The following CADPS variants were observed in gnomAD, a reference collection of about 807,000 sequenced individuals.
The protein encoded by CADPS is calcium dependent secretion activator.
A neutral mutation model predicts 167.3 loss-of-function variants in CADPS; 57 were observed. That is an observed-to-expected ratio of 0.34 (90% CI 0.28 to 0.42). The LOEUF (loss-of-function observed/expected upper bound fraction) is 0.42. Among genes scored for constraint, CADPS ranks in the 20% least tolerant of loss-of-function variants. The probability of loss-of-function intolerance (pLI) is 1.00; values close to 1 mark genes in which losing one functional copy is unlikely to be tolerated. For missense variants in CADPS, 1,414 were observed against 1,738.1 expected, an observed-to-expected ratio of 0.81 and a Z score of 3.32; for synonymous variants, 676 against 635.3, an observed-to-expected ratio of 1.06 and a Z score of -0.96.
At chr3:62,548,698 G>A (rs751780138) in intron 11 of CADPS, among the ~76,000 whole-genome samples, 8 of 152,206 alleles carry the variant, frequency 5.3e-5, no homozygotes, top group Non-Finnish European at 1.0e-4. Context: ...AGGAGAGATC[G>A]TGCAAGCACT....
chr3:62,620,199 C>A (rs1458943515), intron 6 of CADPS, among the ~76,000 whole-genome samples: 1 of 152,028 alleles, frequency 6.6e-6, no homozygotes, highest in African/African-American at 2.4e-5. Flanking sequence ...ATAGGGATGG[C>A]AGGCAGGGCT....
intron 1 of CADPS, among the ~76,000 whole-genome samples, chr3:62,803,242 T>C (rs374186279): frequency 1.7e-3 from 257 of 152,012 alleles, no homozygotes; most frequent in African/African-American, 6.0e-3. Flanking sequence ...CTGAGACGAA[T>C]GATCCTTGAA....
intron 3 of CADPS, among the ~76,000 whole-genome samples, chr3:62,742,870 G>A (rs1056428228): frequency 6.6e-6 from 1 of 152,134 alleles, no homozygotes; most frequent in Non-Finnish European, 1.5e-5. Flanking sequence ...GAGAATTTTT[G>A]CAAACTATGC....
intron 6 of CADPS, among the ~76,000 whole-genome samples, chr3:62,597,082 G>C (rs2059040206): frequency 6.6e-6 from 1 of 152,156 alleles, no homozygotes; most frequent in Non-Finnish European, 1.5e-5. Context: ...GGCTGGGTGT[G>C]GTGCCTCACT....
intron 3 of CADPS, among the ~76,000 whole-genome samples, chr3:62,703,431 G>A (rs1007939717): frequency 1.3e-5 from 2 of 152,054 alleles, no homozygotes; most frequent in Non-Finnish European, 2.9e-5. Flanking sequence ...TGGCATTAGA[G>A]CTCACAGCCA....
chr3:62,823,839 A>C (rs1008528138), intron 1 of CADPS, among the ~76,000 whole-genome samples: 1 of 152,164 alleles, frequency 6.6e-6, no homozygotes. Context: ...TCCTGGGAAT[A>C]AACTGACTGG....
intron 3 of CADPS, among the ~76,000 whole-genome samples, chr3:62,688,906 AAT>A (rs745578431): frequency 1.1e-4 from 17 of 152,128 alleles, no homozygotes; most frequent in Non-Finnish European, 1.5e-4. Context: ...AGCAATGGGT[AAT>A]GTGGGAAGGG....
intron 1 of CADPS, among the ~76,000 whole-genome samples, chr3:62,782,918 C>T (rs139633202): frequency 0.018 from 2,744 of 152,112 alleles, 35 homozygotes; most frequent in East Asian, 0.053. Flanking sequence ...CGCCACCATG[C>T]CTGGCTAATT....
chr3:62,720,637 C>A (rs1313383532), intron 3 of CADPS, among the ~76,000 whole-genome samples: 1 of 151,770 alleles, frequency 6.6e-6, no homozygotes, highest in African/African-American at 2.4e-5. Context: ...CTGCACCTGG[C>A]CCTAGGGAAA....
intron 27 of CADPS, among the ~76,000 whole-genome samples, chr3:62,443,717 A>G (rs2056755797): frequency 6.6e-6 from 1 of 152,124 alleles, no homozygotes; most frequent in South Asian, 2.1e-4. Flanking sequence ...CCATGATTGT[A>G]AGTTTCCTGA....
chr3:62,647,835 A>G (rs918945125), intron 5 of CADPS, among the ~76,000 whole-genome samples: 1 of 152,236 alleles, frequency 6.6e-6, no homozygotes, highest in Non-Finnish European at 1.5e-5. Flanking sequence ...CTACACCTGC[A>G]AATACCTGAA....
chr3:62,745,179 C>A (rs763359867), intron 3 of CADPS, among the ~76,000 whole-genome samples: 2 of 152,066 alleles, frequency 1.3e-5, no homozygotes, highest in Admixed American at 1.3e-4. Flanking sequence ...GCTTCCCAGG[C>A]TCAAGTAATC....
Position 62,399,369 on chromosome 3 carries a change from C to G in CADPS, c.*37G>C. The G allele has an allele frequency of 6.2e-7, 1 of 1,601,804 alleles. No homozygotes were observed. The highest frequency in any genetic ancestry group is 8.6e-7 in the Non-Finnish European group (1 of 1,169,316). On this transcript the variant is annotated 3_prime_UTR_variant, in exon 30 of 30. Transcript: ENST00000383710. The surrounding 1 kb of genome is among the most constrained non-coding windows in gnomAD (Gnocchi z 5.6). ...ACAGACTAAGGACATGCACTGATTA[C>G]AGGACTCTGTCCCAGCAGACTCTAG... is the stretch of plus-strand genomic sequence containing the variant.
At chr3:62,654,041 C>T (rs74425969) in intron 4 of CADPS, among the ~76,000 whole-genome samples, 1,932 of 152,236 alleles carry the variant, frequency 0.013, 44 homozygotes, top group African/African-American at 0.045. Context: ...GAATCTCAAA[C>T]GTTGTATTTC....
chr3:62,702,868 G>A (rs575129204), intron 3 of CADPS, among the ~76,000 whole-genome samples: 6 of 152,198 alleles, frequency 3.9e-5, no homozygotes, highest in Admixed American at 1.3e-4. Flanking sequence ...CACTTTACAT[G>A]AATTACTTCA....
chr3:62,623,364 G>A (rs1346668649), intron 6 of CADPS, among the ~76,000 whole-genome samples: 1 of 152,056 alleles, frequency 6.6e-6, no homozygotes, highest in African/African-American at 2.4e-5. Context: ...TTGACTTTTT[G>A]GAATGGAAAG....
At chr3:62,554,078 C>T (rs903936532) in intron 10 of CADPS, among the ~76,000 whole-genome samples, 1 of 152,052 alleles carries the variant, frequency 6.6e-6, no homozygotes, top group African/African-American at 2.4e-5. Flanking sequence ...CTTTATGAGT[C>T]GTATAAGAAT....
chr3:62,725,663 A>G (rs746016234), intron 3 of CADPS, among the ~76,000 whole-genome samples: 1 of 150,352 alleles, frequency 6.7e-6, no homozygotes, highest in Admixed American at 6.6e-5. Context: ...ACACCGGTAC[A>G]TTTGCTATTA....
chr3:62,610,021 C>T (rs965786134), intron 6 of CADPS, among the ~76,000 whole-genome samples: 14 of 151,650 alleles, frequency 9.2e-5, no homozygotes, highest in African/African-American at 1.9e-4. Context: ...CCCAGGGGGT[C>T]GAGGCTGTAG....
Sources: gnomAD v4.1 joint callset for allele counts (sites outside exome capture counted in the v4.1 genomes callset) on GRCh38, gnomAD v4.1.1 for gene constraint, Gnocchi (gnomAD v3.1) non-coding constraint, MANE v1.5 for transcripts, NCBI Gene and HGNC (gene_info 2026-07-23, HGNC 2026-07-21) for gene names.